TPPP: variants seen among roughly 807,000 people sequenced by gnomAD.
TPPP encodes the protein tubulin polymerization-promoting protein.
In TPPP, 6 loss-of-function variants were observed where a neutral mutation model predicts 15.5. The observed-to-expected ratio is 0.39, with a 90% confidence interval of 0.21 to 0.77. TPPP has a LOEUF of 0.77. TPPP is among the 30% of genes least tolerant of loss of function. The probability of loss-of-function intolerance (pLI) is 0.42; values close to 1 mark genes in which losing one functional copy is unlikely to be tolerated. For missense variants in TPPP, 269 were observed against 307.2 expected (o/e 0.88, Z 0.93); for synonymous variants, 146 against 133.9 (o/e 1.09, Z -0.63).
chr5:685,741 G>A (rs1021764075), intron 1 of TPPP, among the ~76,000 whole-genome samples: 18 of 152,224 alleles, frequency 1.2e-4, no homozygotes, highest in Admixed American at 3.9e-4. Context: ...AGCGCCCAGC[G>A]TGGCCACTCT....
chr5:693,977 G>C (rs970286150), upstream of TPPP, among the ~76,000 whole-genome samples: 1 of 146,866 alleles, frequency 6.8e-6, no homozygotes, highest in African/African-American at 2.5e-5. Flanking sequence ...GGTCCGTGCC[G>C]GGCGCCCAGC....
intron 2 of TPPP, among the ~76,000 whole-genome samples, chr5:669,535 C>T (rs1740115231): frequency 6.6e-6 from 1 of 152,164 alleles, no homozygotes; most frequent in African/African-American, 2.4e-5. Flanking sequence ...GTCTTCTATT[C>T]CCACCCTGCC....
chr5:697,258 G>A (rs1741030924), upstream of TPPP, among the ~76,000 whole-genome samples: 1 of 141,142 alleles, frequency 7.1e-6, no homozygotes, highest in Admixed American at 7.3e-5. Flanking sequence ...TGTTGCCACA[G>A]GTCAGGGGCT....
intron 2 of TPPP, among the ~76,000 whole-genome samples, 178 bp from the exon 3 acceptor site, chr5:666,301 G>A (rs1339232898): frequency 6.6e-6 from 1 of 152,208 alleles, no homozygotes; most frequent in African/African-American, 2.4e-5. Context: ...CTTGGCGGAA[G>A]CAGGTCCTCT....
chr5:691,981 C>T (rs1284940489), intron 1 of TPPP, among the ~76,000 whole-genome samples: 1 of 130,056 alleles, frequency 7.7e-6, no homozygotes, highest in African/African-American at 2.9e-5. Context: ...GCCCCCAGAC[C>T]CCATCAAAAC....
the TPPP span, among the ~76,000 whole-genome samples, chr5:698,419 A>G: frequency 6.6e-6 from 1 of 152,022 alleles, no homozygotes; most frequent in African/African-American, 2.4e-5. Context: ...GAAAACCCTG[A>G]AGACTTGTAT....
intron 1 of TPPP, among the ~76,000 whole-genome samples, chr5:684,974 G>C (rs566977447): frequency 2.0e-5 from 3 of 152,188 alleles, no homozygotes; most frequent in Non-Finnish European, 4.4e-5. Context: ...CCCACCCAGA[G>C]GCCAGACAGG....
chr5:667,588 C>G (rs759242664), intron 2 of TPPP, among the ~76,000 whole-genome samples: 4 of 146,584 alleles, frequency 2.7e-5, no homozygotes, highest in Non-Finnish European at 5.9e-5. Flanking sequence ...GTTCGAAACT[C>G]TGCTCTCAGA....
chr5:665,847 C>G (rs1318456682), intron 3 of TPPP, 123 bp downstream of exon 3: 12 of 84,504 alleles, frequency 1.4e-4, no homozygotes, highest in Non-Finnish European at 1.6e-4. Flanking sequence ...CCTCCCAGGA[C>G]CCCCCCCAGG....
At chr5:670,429 C>CCT (rs948352047) in intron 2 of TPPP, among the ~76,000 whole-genome samples, 1 of 152,130 alleles carries the variant, frequency 6.6e-6, no homozygotes, top group Non-Finnish European at 1.5e-5. Context: ...GGGGAAACAG[C>CCT]CTCTCCCTGT....
chr5:685,645 C>T (rs1002388385), intron 1 of TPPP, among the ~76,000 whole-genome samples: 29 of 152,216 alleles, frequency 1.9e-4, no homozygotes, highest in African/African-American at 6.3e-4. Flanking sequence ...AGGAGCTTCT[C>T]GGGTCAACAG....
chr5:681,489 T>C (rs1442707679), intron 1 of TPPP, among the ~76,000 whole-genome samples: 1 of 152,110 alleles, frequency 6.6e-6, no homozygotes, highest in African/African-American at 2.4e-5. Context: ...GGCCTGTGTC[T>C]TGCATCCAGA....
In TPPP at chr5:665,973, C is replaced by G. The variant is rs1297896207; in HGVS notation, c.462G>C (p.Val154=). The change falls in exon 3 of 4, where the codon GTG becomes GTC. Residue 154 remains valine (V), a synonymous_variant. Transcript: ENST00000360578. The part of the protein sequence containing the change: ...IEGKAPIISG[V]TKAISSPTVS... ...CTTCCATCCCCGCCCTGCTCACCGTCACCCCTGAGATGATGGGCGCCTTGC... is the reference window on the plus strand; with the variant it reads ...CTTCCATCCCCGCCCTGCTCACCGTGACCCCTGAGATGATGGGCGCCTTGC... The G allele has an allele frequency of 1.9e-6, 3 of 1,586,250 alleles. No homozygotes were observed. Among genetic ancestry groups the G allele is most frequent in the Non-Finnish European group, 2.6e-6 (3 of 1,172,356 alleles).
chr5:681,369 CCT>C (rs2126907146), intron 1 of TPPP, among the ~76,000 whole-genome samples: 1 of 152,234 alleles, frequency 6.6e-6, no homozygotes, highest in South Asian at 2.1e-4. Context: ...ACGCGTGTGC[CCT>C]GAGCCCCCAG....
chr5:696,072 G>A (rs1224804524), upstream of TPPP, among the ~76,000 whole-genome samples: 2 of 95,230 alleles, frequency 2.1e-5, no homozygotes, highest in South Asian at 3.3e-4. Flanking sequence ...CCTGCTGCCT[G>A]GCACCCGCGC....
In TPPP at chr5:677,997, G is replaced by T; in HGVS notation, c.64C>A (p.Pro22Thr). 6.2e-7 allele frequency: 1 copy of T among 1,606,290 alleles called. No individual in the cohort carries two copies. Among genetic ancestry groups the T allele is most frequent in the Non-Finnish European group, 8.5e-7 (1 of 1,176,910 alleles). Residue 22 changes from proline (P) to threonine (T), a missense_variant, in exon 2 of 4, where the codon CCC (proline) becomes ACC (threonine). Coordinates refer to ENST00000360578, the MANE Select transcript of TPPP (RefSeq NM_007030.3). ...NRTPPKSPGD[P>T]SKDRAAKRLS... is the part of the protein sequence containing the mutation. ...CTCTTGGCTGCCCGGTCCTTCGAGG[G>T]GTCCCCCGGGGACTTGGGGGGCGTC...
intron 2 of TPPP, among the ~76,000 whole-genome samples, chr5:672,913 C>T (rs116836284): frequency 0.01 from 1,556 of 152,354 alleles, 14 homozygotes; most frequent in South Asian, 0.023. Context: ...AACAAACAAG[C>T]GCTGCCATGG....
rs1179483809 is a variant in TPPP, at chr5:691,223, G to A, written c.-5+2055C>T. Reference sequence around the variant, plus strand: ...CACGTGGTGGGGAGGCGCTGGCACCGAGCGGCTGACAGGCGCGAGAGCCCA... The same window carrying A: ...CACGTGGTGGGGAGGCGCTGGCACCAAGCGGCTGACAGGCGCGAGAGCCCA... On this transcript the variant is annotated intron_variant, in intron 1 of 3. Coordinates refer to ENST00000360578, the MANE Select transcript of TPPP (RefSeq NM_007030.3). Among the ~76,000 whole-genome samples the A allele has an allele frequency of 1.3e-3, 61 of 48,708 alleles. 23 individuals are homozygous for A. The highest frequency in any genetic ancestry group is 0.01 in the Middle Eastern group (1 of 100). The allele number at this position is 48,708 out of a possible 152,430, so 32.0% of individuals were successfully genotyped here.
Position 677,752 on chromosome 5 carries a change from G to C in TPPP, c.309C>G (p.Ile103Met), listed in dbSNP as rs1740497528. 2 of 1,560,080 alleles carry C rather than the reference G, an allele frequency of 1.3e-6. No homozygotes were observed. Among genetic ancestry groups the C allele is most frequent in the African/African-American group, 1.4e-5 (1 of 73,870 alleles). The change falls in exon 2 of 4, where the codon ATC becomes ATG. Residue 103 changes from isoleucine (I) to methionine (M), a missense_variant and splice_region_variant. Coordinates refer to ENST00000360578, the MANE Select transcript of TPPP (RefSeq NM_007030.3). ...GCCCGTGAGCCCAGCGCACTCACTT[G>C]ATCTTGCTGAAGACGATGTCCACGT... is the stretch of plus-strand genomic sequence containing the variant. ...VTDVDIVFSK[I>M]KGKSCRTITF...
Sources: allele counts gnomAD v4.1 joint callset (sites outside exome capture counted in the v4.1 genomes callset), GRCh38; gene constraint gnomAD v4.1.1; transcripts MANE v1.5; gene names NCBI Gene and HGNC (gene_info 2026-07-23, HGNC 2026-07-21).